The following CSMD3 variants were observed in gnomAD, a reference collection of about 807,000 sequenced individuals.
The protein encoded by CSMD3 is CUB and sushi domain-containing protein 3.
A neutral mutation model predicts 435.2 loss-of-function variants in CSMD3; 177 were observed. The ratio of observed to expected loss-of-function variants is 0.41; its 90% confidence interval spans 0.36 to 0.46. The LOEUF (loss-of-function observed/expected upper bound fraction) is 0.46. CSMD3 is among the 20% of genes least tolerant of loss of function. The pLI is 0.34. For missense variants in CSMD3, 4,265 were observed against 4,504.6 expected (o/e 0.95, Z 1.52); for synonymous variants, 1,656 against 1,520.5 (o/e 1.09, Z -2.07).
chr8:112,856,889 G>A (rs910274851), intron 11 of CSMD3, among the ~76,000 whole-genome samples: 4 of 151,666 alleles, frequency 2.6e-5, no homozygotes, highest in African/African-American at 9.7e-5. Flanking sequence ...TTCTGAAAAG[G>A]GTTCCAAGGA....
chr8:112,920,993 GCGCGCACACACACACACACACACA>G (rs1258608418), intron 10 of CSMD3, among the ~76,000 whole-genome samples: 1 of 112,252 alleles, frequency 8.9e-6, no homozygotes, highest in Non-Finnish European at 1.8e-5. Flanking sequence ...ACATACGCGC[GCGCGCACACACACACACACACACA>G]CACACACACA....
chr8:113,223,710 G>T, intron 3 of CSMD3, among the ~76,000 whole-genome samples: 1 of 147,568 alleles, frequency 6.8e-6, no homozygotes. Context: ...TATATATCAG[G>T]CACTTTTTAA....
chr8:112,283,719 G>A (rs1818896098), intron 58 of CSMD3, among the ~76,000 whole-genome samples: 1 of 151,246 alleles, frequency 6.6e-6, no homozygotes, highest in South Asian at 2.1e-4. Flanking sequence ...AGTTAGGCTT[G>A]GTTTTATTTT....
chr8:112,676,164 A>AT (rs1184461515), intron 16 of CSMD3, among the ~76,000 whole-genome samples: 1 of 152,096 alleles, frequency 6.6e-6, no homozygotes, highest in African/African-American at 2.4e-5. Context: ...TTAAGTGCAG[A>AT]TGTGGAGTAG....
chr8:113,074,166 GAC>G (rs5894124), intron 5 of CSMD3, among the ~76,000 whole-genome samples: 98,409 of 148,898 alleles, frequency 0.66, 33,621 homozygotes, highest in East Asian at 0.93. Context: ...CACACACAGA[GAC>G]ACACACACAC....
At chr8:112,319,338 A>G (rs914436980) in intron 46 of CSMD3, among the ~76,000 whole-genome samples, 3 of 152,164 alleles carry the variant, frequency 2.0e-5, no homozygotes, top group Non-Finnish European at 4.4e-5. Context: ...ACCAAAATCA[A>G]TATAATAATA....
chr8:112,446,018 TC>T (rs1413280254), intron 32 of CSMD3, among the ~76,000 whole-genome samples: 2 of 152,210 alleles, frequency 1.3e-5, no homozygotes, highest in African/African-American at 2.4e-5. Flanking sequence ...TATCTTTTCT[TC>T]AAGAATATTT....
chr8:112,257,506 A>G (rs576328346), intron 61 of CSMD3, among the ~76,000 whole-genome samples: 1 of 152,328 alleles, frequency 6.6e-6, no homozygotes, highest in South Asian at 2.1e-4. Context: ...CAGAGAGTCA[A>G]ATAATGAGTG....
intron 24 of CSMD3, among the ~76,000 whole-genome samples, chr8:112,570,947 G>A (rs759985623): frequency 3.3e-5 from 5 of 152,094 alleles, no homozygotes; most frequent in Non-Finnish European, 7.4e-5. Context: ...TCCCACTTCT[G>A]TAGTTTCCAG....
intron 22 of CSMD3, among the ~76,000 whole-genome samples, chr8:112,615,358 T>C (rs1833586658): frequency 6.6e-6 from 1 of 152,116 alleles, no homozygotes; most frequent in Non-Finnish European, 1.5e-5. Context: ...TAAACCTAGT[T>C]ATAGAACCTA....
At chr8:112,736,519 A>C (rs1394202701) in intron 13 of CSMD3, among the ~76,000 whole-genome samples, 1 of 151,822 alleles carries the variant, frequency 6.6e-6, no homozygotes, top group Non-Finnish European at 1.5e-5. Flanking sequence ...ACATTTCTCC[A>C]TTTCACTGCT....
intron 1 of CSMD3, among the ~76,000 whole-genome samples, chr8:113,426,677 T>C (rs1311455927): frequency 1.3e-5 from 2 of 151,370 alleles, no homozygotes; most frequent in African/African-American, 4.8e-5. Flanking sequence ...TATCTACCTC[T>C]CCCTAAGATC....
At chr8:112,921,777 T>A (rs373549413) in intron 9 of CSMD3, 26 bp from the exon 10 acceptor site, 2 of 1,574,980 alleles carry the variant, frequency 1.3e-6, no homozygotes, top group South Asian at 2.2e-5. Context: ...AGAGAAAAAA[T>A]ATGATAAGAA....
intron 5 of CSMD3, 140 bp from the exon 6 acceptor site, chr8:113,019,319 C>A (rs1278220397): frequency 7.4e-6 from 5 of 677,356 alleles, no homozygotes; most frequent in African/African-American, 1.8e-5. Flanking sequence ...TGAAATAGTT[C>A]TTTTATGCAT....
At chr8:113,339,812 T>C (rs1343662517) in intron 1 of CSMD3, among the ~76,000 whole-genome samples, 1 of 152,034 alleles carries the variant, frequency 6.6e-6, no homozygotes, top group East Asian at 1.9e-4. Flanking sequence ...GAATTAAAAT[T>C]ACTATATGGT....
At chr8:113,254,805 A>AT (rs1231738581) in intron 3 of CSMD3, among the ~76,000 whole-genome samples, 2 of 152,116 alleles carry the variant, frequency 1.3e-5, no homozygotes, top group African/African-American at 4.8e-5. Flanking sequence ...ACTTTTAATT[A>AT]TTTTTTTAAT....
intron 12 of CSMD3, among the ~76,000 whole-genome samples, chr8:112,813,776 C>A (rs757242821): frequency 5.3e-5 from 8 of 152,124 alleles, no homozygotes; most frequent in Admixed American, 2.0e-4. Flanking sequence ...CCAGCTGGCA[C>A]CTCCTCTTAT....
chr8:113,366,040 A>G (rs2094309269), intron 1 of CSMD3, among the ~76,000 whole-genome samples: 1 of 152,046 alleles, frequency 6.6e-6, no homozygotes, highest in Non-Finnish European at 1.5e-5. Context: ...CATTTTCACC[A>G]TACCAAGTAC....
chr8:112,552,467 A>G (rs1333572566), intron 26 of CSMD3, 127 bp downstream of exon 26: 1 of 920,088 alleles, frequency 1.1e-6, no homozygotes, highest in African/African-American at 1.7e-5. Context: ...TCTGGATGTC[A>G]GAGCAAGACT....
Sources: allele counts gnomAD v4.1 joint callset (sites outside exome capture counted in the v4.1 genomes callset), GRCh38; gene constraint gnomAD v4.1.1; transcripts MANE v1.5; gene names NCBI Gene and HGNC (gene_info 2026-07-23, HGNC 2026-07-21).